ROBO2: variants seen among roughly 807,000 people sequenced by gnomAD.
ROBO2 encodes roundabout homolog 2.
A neutral mutation model predicts 160.8 loss-of-function variants in ROBO2; 53 were observed. The observed-to-expected ratio is 0.33, with a 90% CI of 0.26 to 0.41. The LOEUF is 0.41. ROBO2 is among the 10% of genes least tolerant of loss of function. The probability of loss-of-function intolerance (pLI) is 1.00; values close to 1 mark genes in which losing one functional copy is unlikely to be tolerated. For missense variants in ROBO2, 1,577 were observed against 1,722.4 expected, an observed-to-expected ratio of 0.92 and a Z score of 1.49; for synonymous variants, 664 against 611.7, an observed-to-expected ratio of 1.09 and a Z score of -1.26.
At chr3:76,526,727 T>TA (rs573437104) in intron 2 of ROBO2, among the ~76,000 whole-genome samples, 156 of 152,136 alleles carry the variant, frequency 1.0e-3, no homozygotes, top group African/African-American at 3.6e-3. Context: ...TTTATAGGAG[T>TA]AAACAATTAT....
intron 2 of ROBO2, among the ~76,000 whole-genome samples, chr3:76,288,924 T>C (rs2107695606): frequency 6.6e-6 from 1 of 152,316 alleles, no homozygotes; most frequent in Admixed American, 6.5e-5. Flanking sequence ...CATCCATGTC[T>C]TTGCTATTGT....
chr3:77,551,461 T>C (rs1224520985), intron 8 of ROBO2, among the ~76,000 whole-genome samples: 1 of 152,034 alleles, frequency 6.6e-6, no homozygotes, highest in Non-Finnish European at 1.5e-5. Context: ...TTAACTACCT[T>C]TCAAAGTGCT....
At chr3:76,704,818 G>T (rs1036821080) in intron 2 of ROBO2, among the ~76,000 whole-genome samples, 1 of 152,038 alleles carries the variant, frequency 6.6e-6, no homozygotes. Context: ...GAAGACTCAA[G>T]ACAAAAACCA....
intron 2 of ROBO2, among the ~76,000 whole-genome samples, chr3:76,604,219 C>T (rs1217852160): frequency 6.6e-6 from 1 of 152,064 alleles, no homozygotes; most frequent in Non-Finnish European, 1.5e-5. Context: ...GTCTATAGCA[C>T]AAATAAAGAA....
intron 2 of ROBO2, among the ~76,000 whole-genome samples, chr3:76,567,632 T>TATATATATATATATACAC (rs1458358739): frequency 1.3e-5 from 1 of 79,118 alleles, no homozygotes; most frequent in Non-Finnish European, 2.6e-5. Context: ...TATATATATA[T>TATATATATATATATACAC]ATATATATAT....
chr3:75,913,766 T>C (rs1367427877), intron 1 of ROBO2, among the ~76,000 whole-genome samples: 1 of 152,204 alleles, frequency 6.6e-6, no homozygotes, highest in East Asian at 1.9e-4. Context: ...CAAAATCTCA[T>C]CCATATAAGA....
chr3:76,392,502 T>A (rs2077204779), intron 2 of ROBO2, among the ~76,000 whole-genome samples: 2 of 152,148 alleles, frequency 1.3e-5, no homozygotes, highest in East Asian at 1.9e-4. Flanking sequence ...TTCTTTATTT[T>A]AAAAAATGGG....
intron 2 of ROBO2, among the ~76,000 whole-genome samples, chr3:76,902,241 G>A (rs942054311): frequency 4.6e-5 from 7 of 151,732 alleles, no homozygotes; most frequent in African/African-American, 1.7e-4. Context: ...AGCTTTGTTT[G>A]CATTATTCAG....
chr3:76,371,347 C>T (rs2076089091), intron 2 of ROBO2, among the ~76,000 whole-genome samples: 1 of 151,902 alleles, frequency 6.6e-6, no homozygotes, highest in African/African-American at 2.4e-5. Flanking sequence ...CTGTTATGTA[C>T]ATAATTGTAT....
At chr3:75,997,135 A>G (rs986282267) in intron 2 of ROBO2, among the ~76,000 whole-genome samples, 7 of 152,204 alleles carry the variant, frequency 4.6e-5, no homozygotes, top group African/African-American at 7.2e-5. Context: ...CCTGATTAAT[A>G]TAAGTATTTG....
chr3:76,624,932 C>A (rs1349009), intron 2 of ROBO2, among the ~76,000 whole-genome samples: 113,769 of 150,952 alleles, frequency 0.75, 43,258 homozygotes, highest in South Asian at 0.91. Context: ...AATAGTAAGT[C>A]TTATAAATTG....
At chr3:76,041,893 A>G (rs1391066322) in intron 2 of ROBO2, among the ~76,000 whole-genome samples, 1 of 151,910 alleles carries the variant, frequency 6.6e-6, no homozygotes, top group Non-Finnish European at 1.5e-5. Context: ...ATGTACTTCA[A>G]GTTTAAAAGA....
intron 2 of ROBO2, among the ~76,000 whole-genome samples, chr3:76,609,192 G>A (rs2087887937): frequency 6.6e-6 from 1 of 152,032 alleles, no homozygotes; most frequent in Non-Finnish European, 1.5e-5. Flanking sequence ...TTGTTTCTGG[G>A]TTCTCTATTC....
intron 2 of ROBO2, among the ~76,000 whole-genome samples, chr3:76,323,574 A>G (rs530179081): frequency 6.6e-6 from 1 of 152,264 alleles, no homozygotes; most frequent in African/African-American, 2.4e-5. Context: ...AAGAAATCCA[A>G]CAAGACAGGC....
In ROBO2 at chr3:76,567,632, T is replaced by TATATATATATATATATAC. The variant is rs1553805629; in HGVS notation, c.110-530365_110-530364insCATATATATATATATATA. ...ATACCAAACTACTGATATATATATA[T>TATATATATATATATATAC]ATATATATATATATATATATACACA... On this transcript the variant is annotated intron_variant, in intron 2 of 26. Transcript: ENST00000487694. Among the ~76,000 whole-genome samples, 87 of 79,090 alleles carry TATATATATATATATATAC rather than the reference T, an allele frequency of 1.1e-3. 3 individuals carry two copies. The highest frequency in any genetic ancestry group is 2.0e-3 in the Non-Finnish European group (78 of 38,242). The allele number at this position is 79,090 out of a possible 152,430, so 51.9% of individuals were successfully genotyped here. A position where few individuals can be genotyped will look rare whatever the true frequency, so the allele number is the denominator to read the frequency against.
intron 2 of ROBO2, among the ~76,000 whole-genome samples, chr3:76,878,498 A>G (rs1025791051): frequency 1.3e-5 from 2 of 152,216 alleles, no homozygotes; most frequent in African/African-American, 2.4e-5. Context: ...TATAAAATAA[A>G]TGAAATATGA....
Position 77,640,097 on chromosome 3 carries a change from ATTTTTTTTTTTTT to A in ROBO2, c.3935-4587_3935-4575del, listed in dbSNP as rs71104695. 2.4e-3 allele frequency among the ~76,000 whole-genome samples: 156 copies of A among 65,492 alleles called. 1 individual carries two copies. The highest frequency in any genetic ancestry group is 8.9e-3 in the African/African-American group (137 of 15,412). The allele number at this position is 65,492 out of a possible 152,430, so 43.0% of individuals were successfully genotyped here. A position where few individuals can be genotyped will look rare whatever the true frequency, so the allele number is the denominator to read the frequency against. Reference sequence around the variant, plus strand: ...AGAGAAGAAACACTGCAGAGGAAGCATTTTTTTTTTTTTTTTTTTTTTTTTTTTTTTTGAGACG... The same window carrying A: ...AGAGAAGAAACACTGCAGAGGAAGCATTTTTTTTTTTTTTTTTTTGAGACG... On this transcript the variant is annotated intron_variant, in intron 24 of 25. Coordinates refer to ENST00000461745, the Ensembl canonical transcript of ROBO2.
In ROBO2 at chr3:77,398,953, AT is replaced by A. The variant is rs201116595; in HGVS notation, c.389-78452del. Reference sequence around the variant, plus strand: ...AAATAGCCTGGAGTTAATAGAAGTTATTTTTTTTTCCTTCTAAAAGTGATAC... The same window carrying A: ...AAATAGCCTGGAGTTAATAGAAGTTATTTTTTTTCCTTCTAAAAGTGATAC... On this transcript the variant is annotated intron_variant, in intron 2 of 25. Transcript: ENST00000461745. Among the ~76,000 whole-genome samples the A allele has an allele frequency of 3.0e-4, 46 of 151,262 alleles. No homozygotes were observed. In the East Asian group the frequency reaches 4.5e-3, roughly 15 times the overall value.
chr3:76,510,490 G>A (rs2081031741), intron 2 of ROBO2, among the ~76,000 whole-genome samples: 1 of 152,168 alleles, frequency 6.6e-6, no homozygotes, highest in Non-Finnish European at 1.5e-5. Context: ...TTGCGAAGCC[G>A]AGGTGGGTGG....
Sources: gnomAD v4.1 joint callset for allele counts (sites outside exome capture counted in the v4.1 genomes callset) on GRCh38, gnomAD v4.1.1 for gene constraint, MANE v1.5 for transcripts, NCBI Gene and HGNC (gene_info 2026-07-23, HGNC 2026-07-21) for gene names.